The following FRMD4A variants were observed in gnomAD, a reference collection of about 807,000 sequenced individuals.
The protein encoded by FRMD4A is FERM domain-containing protein 4A.
Under a neutral mutation model 129.1 loss-of-function variants are expected in FRMD4A, and 29 were observed. The observed-to-expected ratio is 0.22, with a 90% CI of 0.17 to 0.31. The LOEUF (loss-of-function observed/expected upper bound fraction) is 0.31, where lower values mean the gene tolerates loss of function less well. Among genes scored for constraint, FRMD4A ranks in the 10% least tolerant of loss-of-function variants. FRMD4A has a pLI of 1.00. For missense variants in FRMD4A, 1,272 were observed against 1,375.8 expected, an observed-to-expected ratio of 0.92 and a Z score of 1.19; for synonymous variants, 634 against 571.6, an observed-to-expected ratio of 1.11 and a Z score of -1.56.
At chr10:14,123,398 A>G (rs1252813073) in intron 2 of FRMD4A, among the ~76,000 whole-genome samples, 2 of 152,180 alleles carry the variant, frequency 1.3e-5, no homozygotes, top group Non-Finnish European at 2.9e-5. Context: ...ACTGCATAAA[A>G]TTCCATTTCT....
At chr10:13,890,143 T>C (rs986858405) in intron 2 of FRMD4A, among the ~76,000 whole-genome samples, 3 of 152,242 alleles carry the variant, frequency 2.0e-5, no homozygotes, top group Non-Finnish European at 2.9e-5. Context: ...TTTGGTCTTC[T>C]GGCCCTGTCC....
At chr10:14,167,067 T>A (rs370972826) in intron 2 of FRMD4A, among the ~76,000 whole-genome samples, 5 of 152,144 alleles carry the variant, frequency 3.3e-5, no homozygotes, top group African/African-American at 1.2e-4. Context: ...CGATAGTCTA[T>A]TCCAAAATAG....
At chr10:13,881,993 GTGTGTGTGTGTGTGT>G (rs2094552035) in intron 2 of FRMD4A, among the ~76,000 whole-genome samples, 32 of 146,290 alleles carry the variant, frequency 2.2e-4, no homozygotes, top group African/African-American at 7.5e-4. Flanking sequence ...AGGCAAGGGT[GTGTGTGTGTGTGTGT>G]GTGTGTGTGT....
rs1361802403 is a variant in FRMD4A at position 13,676,253 on chromosome 10, ACTTTT to A, written c.1118-1214_1118-1210del. Among the ~76,000 whole-genome samples, 6 of 151,242 alleles carry A rather than the reference ACTTTT, an allele frequency of 4.0e-5. No homozygotes were observed. The East Asian group carries it at 5.8e-4, about 15-fold the overall frequency. On this transcript the variant is annotated intron_variant, in intron 15 of 24. Coordinates refer to ENST00000357447, the MANE Select transcript of FRMD4A (RefSeq NM_018027.5). The stretch of plus-strand genomic sequence containing the variant: ...TCTACAAAGGGAAAAGCTGATTATA[ACTTTT>A]CTTTTCTTTTTCTTTTTTTTTTCAG...
At chr10:13,791,078 T>C (rs1162752449) in intron 5 of FRMD4A, among the ~76,000 whole-genome samples, 2 of 152,108 alleles carry the variant, frequency 1.3e-5, no homozygotes, top group African/African-American at 4.8e-5. Context: ...GTGAGTGGAC[T>C]GAGAAGCCAC....
At chr10:14,308,068 A>T (rs899513612) in intron 2 of FRMD4A, among the ~76,000 whole-genome samples, 24 of 152,246 alleles carry the variant, frequency 1.6e-4, no homozygotes, top group African/African-American at 5.8e-4. Context: ...GGGAAACACT[A>T]ATTTTCAGGG....
chr10:14,185,735 G>A (rs1402393552), intron 2 of FRMD4A, among the ~76,000 whole-genome samples: 1 of 152,166 alleles, frequency 6.6e-6, no homozygotes, highest in Non-Finnish European at 1.5e-5. Context: ...AGAAGGGATG[G>A]CAACAGCAGT....
At chr10:13,814,156 A>C (rs1487762284) in intron 3 of FRMD4A, among the ~76,000 whole-genome samples, 1 of 152,188 alleles carries the variant, frequency 6.6e-6, no homozygotes, top group African/African-American at 2.4e-5. Context: ...AGGAGGAGGA[A>C]TGGGTGATTA....
chr10:13,981,590 TC>T (rs1565152341), intron 2 of FRMD4A, among the ~76,000 whole-genome samples: 1 of 151,624 alleles, frequency 6.6e-6, no homozygotes, highest in Non-Finnish European at 1.5e-5. Context: ...AATACAAAAA[TC>T]AGCTGGGCAT....
chr10:13,905,639 C>G (rs2094874121), intron 2 of FRMD4A, among the ~76,000 whole-genome samples: 1 of 152,116 alleles, frequency 6.6e-6, no homozygotes. Context: ...CACGCATTAT[C>G]TATAATTTCT....
intron 15 of FRMD4A, among the ~76,000 whole-genome samples, chr10:13,689,188 A>C (rs1293305621): frequency 1.7e-5 from 1 of 60,198 alleles, no homozygotes; most frequent in Non-Finnish European, 3.8e-5. Flanking sequence ...AGCAGTACAC[A>C]AACTCTTTGC....
At chr10:14,129,059 T>C (rs1316127789) in intron 2 of FRMD4A, among the ~76,000 whole-genome samples, 2 of 152,036 alleles carry the variant, frequency 1.3e-5, no homozygotes, top group African/African-American at 4.8e-5. Context: ...AGTGCAGGTG[T>C]GGCCCCCCCA....
intron 2 of FRMD4A, among the ~76,000 whole-genome samples, chr10:14,310,490 G>C (rs1352707327): frequency 6.6e-6 from 1 of 152,224 alleles, no homozygotes; most frequent in Non-Finnish European, 1.5e-5. Context: ...CTGAAAGCTT[G>C]CACGGGTGAA....
intron 2 of FRMD4A, among the ~76,000 whole-genome samples, chr10:14,179,845 T>C (rs972632821): frequency 3.9e-5 from 6 of 152,162 alleles, no homozygotes; most frequent in African/African-American, 1.4e-4. Context: ...ATCAGCCTGA[T>C]CAATATGACA....
At chr10:13,846,081 T>C (rs1452171494) in intron 3 of FRMD4A, among the ~76,000 whole-genome samples, 2 of 152,222 alleles carry the variant, frequency 1.3e-5, no homozygotes, top group East Asian at 1.9e-4. Flanking sequence ...GTTGTGGGGC[T>C]GAAAAGATGA....
At chr10:14,104,368 C>A (rs1837473392) in intron 2 of FRMD4A, among the ~76,000 whole-genome samples, 1 of 152,244 alleles carries the variant, frequency 6.6e-6, no homozygotes, top group African/African-American at 2.4e-5. Context: ...GTGGTGCTCA[C>A]TTCCCTGCTC....
At chr10:13,710,615 A>G (rs549501024) in intron 12 of FRMD4A, 1 of 152,406 alleles carries the variant, frequency 6.6e-6, no homozygotes, top group South Asian at 2.1e-4. Flanking sequence ...TGCTTTAAGC[A>G]TGAATTTTTG....
intron 2 of FRMD4A, among the ~76,000 whole-genome samples, chr10:13,987,233 T>C (rs1445959747): frequency 1.3e-5 from 2 of 152,134 alleles, no homozygotes; most frequent in East Asian, 1.9e-4. Flanking sequence ...TATCGTGGGA[T>C]AGAAACCCCA....
intron 15 of FRMD4A, among the ~76,000 whole-genome samples, chr10:13,689,216 G>GTGGGGGGTGGGGGGGTT (rs1258844891): frequency 1.3e-5 from 1 of 75,414 alleles, no homozygotes; most frequent in Admixed American, 1.6e-4. Flanking sequence ...GGGGGGGGGG[G>GTGGGGGGTGGGGGGGTT]GGGGAGGGCT....
Sources: gnomAD v4.1 joint callset for allele counts (sites outside exome capture counted in the v4.1 genomes callset) on GRCh38, gnomAD v4.1.1 for gene constraint, MANE v1.5 for transcripts, NCBI Gene and HGNC (gene_info 2026-07-23, HGNC 2026-07-21) for gene names.